Variants in FGFR1 observed in about 807,000 individuals in gnomAD.
FGFR1 encodes FGFR1/PLAG1 fusion.
Under a neutral mutation model 93.7 loss-of-function variants are expected in FGFR1, and 18 were observed. That is an observed-to-expected ratio of 0.19 (90% confidence interval 0.13 to 0.28). The LOEUF is 0.28. FGFR1 is among the 10% of genes least tolerant of loss of function. The probability of loss-of-function intolerance (pLI) is 1.00; values close to 1 mark genes in which losing one functional copy is unlikely to be tolerated. For missense variants in FGFR1, 731 were observed against 1,080.4 expected, an observed-to-expected ratio of 0.68 and a Z score of 4.53; for synonymous variants, 448 against 429.3, an observed-to-expected ratio of 1.04 and a Z score of -0.54.
In FGFR1 at chr8:38,413,439, G is replaced by A; in HGVS notation, c.*189C>T. 1.6e-6 allele frequency: 1 copy of A among 615,124 alleles called. No individual in the cohort carries two copies. The highest frequency in any genetic ancestry group is 2.8e-5 in the East Asian group (1 of 36,048). The allele number at this position is 615,124 out of a possible 1,614,324, so 38.1% of individuals were successfully genotyped here. A position where few individuals can be genotyped will look rare whatever the true frequency, so the allele number is the denominator to read the frequency against. On this transcript the variant is annotated 3_prime_UTR_variant, in exon 18 of 18. Coordinates refer to ENST00000447712, the MANE Select transcript of FGFR1 (RefSeq NM_023110.3). The surrounding 1 kb of genome is among the most constrained non-coding windows in gnomAD (Gnocchi z 4.2). Reference sequence around the variant, plus strand: ...GCCTCTTTGCACCTCTCACCAGCAGGTGGAGAGGAGGTGGAGGGAGAGGTG... The same window carrying A: ...GCCTCTTTGCACCTCTCACCAGCAGATGGAGAGGAGGTGGAGGGAGAGGTG...
At chr8:38,436,887 T>C (rs1039877325) in intron 2 of FGFR1, among the ~76,000 whole-genome samples, 1 of 152,146 alleles carries the variant, frequency 6.6e-6, no homozygotes, top group African/African-American at 2.4e-5. Context: ...AGGTACAGCA[T>C]TTTGCTTCTA....
At chr8:38,414,749 C>T (rs779120005) in intron 14 of FGFR1, 30 bp downstream of exon 14, 9 of 1,613,848 alleles carry the variant, frequency 5.6e-6, no homozygotes, top group Middle Eastern at 1.6e-4. Flanking sequence ...GATGAAACCA[C>T]CAGCACAGGG....
chr8:38,440,446 G>C lies in FGFR1; in HGVS notation c.92-10498C>G, dbSNP rs1182344664. ...CTCTCGGAGTCCCCAAATAGAAGGAGAGCTGCAAAAATGGGGGGCACAGGT... is the reference window on the plus strand; with the variant it reads ...CTCTCGGAGTCCCCAAATAGAAGGACAGCTGCAAAAATGGGGGGCACAGGT... On this transcript the variant is annotated intron_variant, in intron 2 of 17. Coordinates refer to ENST00000447712, the MANE Select transcript of FGFR1 (RefSeq NM_023110.3). The C allele has an allele frequency of 3.1e-6, 4 of 1,306,552 alleles. No homozygotes were observed. In the East Asian group the frequency reaches 7.7e-5, roughly 25 times the overall value. 80.9% of individuals were successfully genotyped at this position (1,306,552 alleles called of 1,614,324 possible).
At chr8:38,414,339 TC>T in intron 15 of FGFR1, 50 bp from the exon 16 acceptor site, 2 of 1,612,556 alleles carry the variant, frequency 1.2e-6, no homozygotes, top group Non-Finnish European at 1.7e-6. Context: ...CCGCCTCCCC[TC>T]CCCCAGCACA....
chr8:38,430,020 A>C, intron 2 of FGFR1, 72 bp from the exon 3 acceptor site: 1 of 1,466,634 alleles, frequency 6.8e-7, no homozygotes, highest in Non-Finnish European at 9.2e-7. Flanking sequence ...GGAGGAGGGG[A>C]GAGACAAAGG....
At chr8:38,465,131 C>G (rs1835225817) in intron 1 of FGFR1, among the ~76,000 whole-genome samples, 1 of 152,150 alleles carries the variant, frequency 6.6e-6, no homozygotes, top group East Asian at 1.9e-4. Context: ...AATCCTCTGC[C>G]CCTAGGGAGT....
At chr8:38,460,909 T>C (rs747244343) in intron 1 of FGFR1, among the ~76,000 whole-genome samples, 1 of 152,154 alleles carries the variant, frequency 6.6e-6, no homozygotes, top group Non-Finnish European at 1.5e-5. Flanking sequence ...CAGATAGATG[T>C]AACCTGCAGC....
At chr8:38,436,744 G>A (rs1434696751) in intron 2 of FGFR1, among the ~76,000 whole-genome samples, 1 of 151,990 alleles carries the variant, frequency 6.6e-6, no homozygotes, top group East Asian at 1.9e-4. Context: ...ACAGAGGCAG[G>A]GGTGGGAGGG....
chr8:38,460,502 G>A (rs1834125697), intron 1 of FGFR1, among the ~76,000 whole-genome samples: 1 of 152,190 alleles, frequency 6.6e-6, no homozygotes, highest in South Asian at 2.1e-4. Context: ...TCTGTCCCCA[G>A]AAAAGCCTGC....
chr8:38,468,068 C>A lies in FGFR1; in HGVS notation c.-176G>T, dbSNP rs1023416254. 8 of 224,084 alleles carry A rather than the reference C, an allele frequency of 3.6e-5. No individual in the cohort carries two copies. Among genetic ancestry groups the A allele is most frequent in the Non-Finnish European group, 6.2e-5 (7 of 112,178 alleles). The allele number at this position is 224,084 out of a possible 1,614,324, so 13.9% of individuals were successfully genotyped here. A position where few individuals can be genotyped will look rare whatever the true frequency, so the allele number is the denominator to read the frequency against. On this transcript the variant is annotated 5_prime_UTR_variant, in exon 1 of 18. Transcript: ENST00000447712. ...GCCCGCGTCCCCGGCTCCGGCCCGC[C>A]GCCCCCGGGCTCTGTTCGGGTCCTG...
chr8:38,416,141 G>A, intron 12 of FGFR1, 81 bp from the exon 13 acceptor site: 9 of 1,283,040 alleles, frequency 7.0e-6, no homozygotes, highest in Non-Finnish European at 9.8e-6. Context: ...CCCACCCCCA[G>A]CAGCACACCC....
intron 1 of FGFR1, chr8:38,461,211 T>A (rs906214494): frequency 2.8e-6 from 4 of 1,421,778 alleles, no homozygotes; most frequent in Non-Finnish European, 3.8e-6. Context: ...TCTGGTGAGA[T>A]AGCAGGGGCT....
chr8:38,412,021 G>C lies in FGFR1; in HGVS notation c.*1607C>G, dbSNP rs1814550621. The C allele has an allele frequency of 4.4e-6, 1 of 228,206 alleles. No homozygotes were observed. The highest frequency in any genetic ancestry group is 1.8e-4 in the South Asian group (1 of 5,478). The allele number at this position is 228,206 out of a possible 1,614,324, so 14.1% of individuals were successfully genotyped here. A position where few individuals can be genotyped will look rare whatever the true frequency, so the allele number is the denominator to read the frequency against. ...TGGCAAAACCATGCCCACATAGAGGGGGCAGACACATGTCTGGGTTTCAGT... is the reference window on the plus strand; with the variant it reads ...TGGCAAAACCATGCCCACATAGAGGCGGCAGACACATGTCTGGGTTTCAGT... On this transcript the variant is annotated 3_prime_UTR_variant, in exon 18 of 18. Coordinates refer to ENST00000447712, the MANE Select transcript of FGFR1 (RefSeq NM_023110.3).
At chr8:38,437,545 G>C (rs1046409764) in intron 2 of FGFR1, among the ~76,000 whole-genome samples, 1 of 152,138 alleles carries the variant, frequency 6.6e-6, no homozygotes, top group South Asian at 2.1e-4. Context: ...ACAAAATGAC[G>C]GGGAAGGGAA....
intron 1 of FGFR1, among the ~76,000 whole-genome samples, chr8:38,460,300 C>T (rs1158057248): frequency 6.6e-6 from 1 of 152,150 alleles, no homozygotes; most frequent in African/African-American, 2.4e-5. Context: ...AGAGGATGCC[C>T]CTAAACCCAT....
At position 38,446,054 on chromosome 8, in the gene FGFR1, A is replaced by T. The variant is rs528692136; in HGVS notation, c.91+11302T>A. 1.3e-3 allele frequency among the ~76,000 whole-genome samples: 191 copies of T among 152,290 alleles called. 1 individual carries two copies. The highest frequency in any genetic ancestry group is 4.2e-3 in the African/African-American group (173 of 41,560). On this transcript the variant is annotated intron_variant, in intron 2 of 17. Coordinates refer to ENST00000447712, the MANE Select transcript of FGFR1 (RefSeq NM_023110.3). ...GAGTGCTGATAAGCATTCTAAAGGCAGTGATAATTGACTGAAAGCTGTGGC... is the reference window on the plus strand; with the variant it reads ...GAGTGCTGATAAGCATTCTAAAGGCTGTGATAATTGACTGAAAGCTGTGGC...
intron 7 of FGFR1, 169 bp from the exon 8 acceptor site, chr8:38,422,110 A>G: frequency 1.3e-6 from 1 of 752,676 alleles, no homozygotes; most frequent in East Asian, 2.7e-5. Flanking sequence ...AAAACCTGTT[A>G]GAGGAAGAGG....
intron 2 of FGFR1, among the ~76,000 whole-genome samples, chr8:38,447,115 A>ACACACG (rs1829573399): frequency 7.3e-6 from 1 of 137,284 alleles, no homozygotes; most frequent in Non-Finnish European, 1.6e-5. Flanking sequence ...ACACACACAC[A>ACACACG]CACACACACA....
intron 9 of FGFR1, 108 bp from the exon 10 acceptor site, chr8:38,418,481 T>C: frequency 7.5e-7 from 1 of 1,328,662 alleles, no homozygotes; most frequent in Non-Finnish European, 1.0e-6. Context: ...TGTCTGTGTA[T>C]CTGATGTTCT....
Sources: gnomAD v4.1 joint callset for allele counts (sites outside exome capture counted in the v4.1 genomes callset) on GRCh38, gnomAD v4.1.1 for gene constraint, Gnocchi (gnomAD v3.1) non-coding constraint, MANE v1.5 for transcripts, NCBI Gene and HGNC (gene_info 2026-07-23, HGNC 2026-07-21) for gene names.